BCL2: variants seen among roughly 807,000 people sequenced by gnomAD.
The protein encoded by BCL2 is BCL2 apoptosis regulator, also known as apoptosis regulator Bcl-2.
A neutral mutation model predicts 14.2 loss-of-function variants in BCL2; 1 was observed. The ratio of observed to expected loss-of-function variants is 0.07; its 90% CI spans 0.02 to 0.33. BCL2 has a LOEUF of 0.33. Ranked by LOEUF, BCL2 falls within the 10% of genes least tolerant of loss-of-function variation. BCL2 has a pLI of 0.99. For missense variants in BCL2, 247 were observed against 305.9 expected, an observed-to-expected ratio of 0.81 and a Z score of 1.44; for synonymous variants, 151 against 137.2, an observed-to-expected ratio of 1.10 and a Z score of -0.70.
intron 2 of BCL2, among the ~76,000 whole-genome samples, chr18:63,201,758 G>A (rs1375768376): frequency 1.3e-5 from 2 of 151,926 alleles, no homozygotes; most frequent in Non-Finnish European, 2.9e-5. Context: ...GTTCTCACTC[G>A]TAAGTAGGAG....
At chr18:63,268,917 C>T (rs1911920619) in intron 2 of BCL2, among the ~76,000 whole-genome samples, 1 of 151,912 alleles carries the variant, frequency 6.6e-6, no homozygotes, top group Non-Finnish European at 1.5e-5. Context: ...TTAAATATTA[C>T]ATATTATTAT....
intron 2 of BCL2, among the ~76,000 whole-genome samples, chr18:63,169,311 C>G (rs12458944): frequency 3.0e-5 from 1 of 33,384 alleles, no homozygotes; most frequent in East Asian, 1.9e-3. Context: ...TTTCTTTCTT[C>G]CTTCCTTCCT....
intron 2 of BCL2, among the ~76,000 whole-genome samples, chr18:63,136,094 C>T (rs55930818): frequency 0.028 from 4,219 of 152,210 alleles, 84 homozygotes; most frequent in African/African-American, 0.035. Context: ...TCAGGGGCAC[C>T]TCCTCCCTGG....
At chr18:63,199,167 C>T (rs1185750631) in intron 2 of BCL2, among the ~76,000 whole-genome samples, 1 of 149,392 alleles carries the variant, frequency 6.7e-6, no homozygotes, top group Non-Finnish European at 1.5e-5. Flanking sequence ...ACACCACACA[C>T]ATCACATAGA....
intron 2 of BCL2, among the ~76,000 whole-genome samples, chr18:63,203,117 G>A (rs994074492): frequency 6.6e-6 from 1 of 152,226 alleles, no homozygotes; most frequent in Non-Finnish European, 1.5e-5. Flanking sequence ...TGGTTTGTAT[G>A]TGAGGCCCAC....
chr18:63,239,927 A>T (rs1359390416), intron 2 of BCL2, among the ~76,000 whole-genome samples: 1 of 152,126 alleles, frequency 6.6e-6, no homozygotes, highest in Non-Finnish European at 1.5e-5. Flanking sequence ...TGGAGAAGAG[A>T]GAGATGTAAT....
intron 2 of BCL2, among the ~76,000 whole-genome samples, chr18:63,190,970 G>A (rs1288552598): frequency 6.6e-6 from 1 of 152,182 alleles, no homozygotes; most frequent in African/African-American, 2.4e-5. Flanking sequence ...TTCTGTTCCT[G>A]TGTTAGTTTG....
intron 2 of BCL2, among the ~76,000 whole-genome samples, chr18:63,169,311 C>CTTTCTTTCTTTCTTTCTTTCTTTCTTTTT (rs1568222484): frequency 3.0e-5 from 1 of 33,362 alleles, no homozygotes. Context: ...TTTCTTTCTT[C>CTTTCTTTCTTTCTTTCTTTCTTTCTTTTT]CTTCCTTCCT....
chr18:63,304,818 A>C (rs1913072484), intron 2 of BCL2, among the ~76,000 whole-genome samples: 1 of 152,232 alleles, frequency 6.6e-6, no homozygotes, highest in Non-Finnish European at 1.5e-5. Flanking sequence ...TTCCGATTAA[A>C]GCTAATTACA....
chr18:63,168,363 C>T (rs1366054559), intron 2 of BCL2, among the ~76,000 whole-genome samples: 1 of 152,166 alleles, frequency 6.6e-6, no homozygotes, highest in Admixed American at 6.5e-5. Context: ...ACCTCCATGT[C>T]TACAAAACAA....
chr18:63,183,264 TG>T (rs1915518008), intron 2 of BCL2, among the ~76,000 whole-genome samples: 1 of 152,262 alleles, frequency 6.6e-6, no homozygotes, highest in African/African-American at 2.4e-5. Flanking sequence ...CTCTTGGCTG[TG>T]GGCTAGCAGT....
intron 2 of BCL2, among the ~76,000 whole-genome samples, chr18:63,259,026 C>G (rs775065199): frequency 4.6e-5 from 7 of 152,246 alleles, no homozygotes; most frequent in African/African-American, 1.2e-4. Context: ...ATTTGTTCAT[C>G]ACATTTTATT....
intron 2 of BCL2, among the ~76,000 whole-genome samples, chr18:63,198,175 C>T (rs1909502186): frequency 6.7e-6 from 1 of 148,990 alleles, no homozygotes; most frequent in Non-Finnish European, 1.5e-5. Flanking sequence ...CACACACAGA[C>T]ATACACACAC....
At chr18:63,266,906 T>A (rs540885164) in intron 2 of BCL2, among the ~76,000 whole-genome samples, 1 of 152,300 alleles carries the variant, frequency 6.6e-6, no homozygotes, top group South Asian at 2.1e-4. Context: ...TATGCAAGTG[T>A]TTGTTAAATA....
chr18:63,271,106 G>C (rs1391704729), intron 2 of BCL2, among the ~76,000 whole-genome samples: 2 of 152,330 alleles, frequency 1.3e-5, no homozygotes, highest in Non-Finnish European at 2.9e-5. Flanking sequence ...ACAAGCATGA[G>C]CCACTGCGCC....
intron 2 of BCL2, among the ~76,000 whole-genome samples, chr18:63,308,456 G>A (rs1913208201): frequency 6.6e-6 from 1 of 152,180 alleles, no homozygotes; most frequent in Admixed American, 6.5e-5. Context: ...GTCTGGGTTA[G>A]GCTTGAGATG....
chr18:63,266,658 A>ACAC (rs1911840350), intron 2 of BCL2, among the ~76,000 whole-genome samples: 2 of 145,716 alleles, frequency 1.4e-5, no homozygotes, highest in South Asian at 4.3e-4. Context: ...CACACACACA[A>ACAC]AAATATATAT....
chr18:63,161,209 C>G (rs1027241082), intron 2 of BCL2, among the ~76,000 whole-genome samples: 3 of 152,148 alleles, frequency 2.0e-5, no homozygotes, highest in Non-Finnish European at 4.4e-5. Flanking sequence ...TATTTTGAGT[C>G]ACATGTATTG....
chr18:63,168,815 G>C (rs1054688472), intron 2 of BCL2, among the ~76,000 whole-genome samples: 2 of 152,192 alleles, frequency 1.3e-5, no homozygotes, highest in African/African-American at 4.8e-5. Flanking sequence ...GCATGTTGTA[G>C]GAAGAGAAAA....
Sources: gnomAD v4.1 joint callset for allele counts (sites outside exome capture counted in the v4.1 genomes callset) on GRCh38, gnomAD v4.1.1 for gene constraint, MANE v1.5 for transcripts, NCBI Gene and HGNC (gene_info 2026-07-23, HGNC 2026-07-21) for gene names.